Variants in PTBP3 observed in about 807,000 individuals in gnomAD.
PTBP3 encodes polypyrimidine tract-binding protein 3.
A neutral mutation model predicts 58.7 loss-of-function variants in PTBP3; 20 were observed. The observed-to-expected ratio is 0.34, with a 90% CI of 0.24 to 0.50. The LOEUF is 0.50. PTBP3 is among the 20% of genes least tolerant of loss of function. The probability of loss-of-function intolerance (pLI) is 0.98; values close to 1 mark genes in which losing one functional copy is unlikely to be tolerated. For synonymous variants in PTBP3, 185 were observed against 219.8 expected, an observed-to-expected ratio of 0.84 and a Z score of 1.40; for missense variants, 509 against 637.2, an observed-to-expected ratio of 0.80 and a Z score of 2.17.
intron 3 of PTBP3, 22 bp downstream of exon 3, chr9:112,275,822 T>A (rs760433714): frequency 2.5e-6 from 4 of 1,576,076 alleles, no homozygotes; most frequent in Non-Finnish European, 3.5e-6. Flanking sequence ...TCACTCTTTG[T>A]CAATCTTTAA....
At chr9:112,321,822 T>C (rs1829962199) in intron 1 of PTBP3, among the ~76,000 whole-genome samples, 1 of 151,974 alleles carries the variant, frequency 6.6e-6, no homozygotes, top group Non-Finnish European at 1.5e-5. Flanking sequence ...TCCCTAGGCT[T>C]TACCCTCCAG....
In PTBP3 at chr9:112,222,611, C is replaced by A. The variant is rs1438564885; in HGVS notation, c.*1240G>T. 1.0e-6 allele frequency: 1 copy of A among 985,644 alleles called. No homozygotes were observed. The highest frequency in any genetic ancestry group is 1.2e-6 in the Non-Finnish European group (1 of 829,904). 61.1% of individuals were successfully genotyped at this position (985,644 alleles called of 1,614,324 possible). ...TTCACCCTTCCCCACACCGTCTCTGCACCAAGCACCAAAAATTTGATAAAA... is the reference window on the plus strand; with the variant it reads ...TTCACCCTTCCCCACACCGTCTCTGAACCAAGCACCAAAAATTTGATAAAA... On this transcript the variant is annotated 3_prime_UTR_variant, in exon 14 of 14. Transcript: ENST00000374257.
At chr9:112,316,613 C>T (rs1338970753) in intron 1 of PTBP3, among the ~76,000 whole-genome samples, 1 of 152,204 alleles carries the variant, frequency 6.6e-6, no homozygotes, top group Non-Finnish European at 1.5e-5. Flanking sequence ...AATTTTAATA[C>T]TAACAAATAA....
chr9:112,370,579 GTGT>G, the PTBP3 span, among the ~76,000 whole-genome samples: 1 of 152,028 alleles, frequency 6.6e-6, no homozygotes, highest in African/African-American at 2.4e-5. Flanking sequence ...TCCTCCAATT[GTGT>G]TGTTCTTTTT....
the PTBP3 span, among the ~76,000 whole-genome samples, chr9:112,378,409 C>A: frequency 6.6e-6 from 1 of 152,194 alleles, no homozygotes; most frequent in Admixed American, 6.5e-5. Context: ...CTTCGTTGAG[C>A]TCTCTTTCCG....
intron 4 of PTBP3, 145 bp downstream of exon 4, chr9:112,267,904 G>A: frequency 3.0e-6 from 2 of 664,034 alleles, no homozygotes; most frequent in Non-Finnish European, 4.4e-6. Context: ...TTAAGAATTG[G>A]GGGGAAGAAT....
At chr9:112,310,454 A>G (rs1287963281) in intron 1 of PTBP3, among the ~76,000 whole-genome samples, 1 of 152,248 alleles carries the variant, frequency 6.6e-6, no homozygotes, top group Non-Finnish European at 1.5e-5. Context: ...ATACAGGTAT[A>G]GCCCATACAT....
At chr9:112,277,941 CATAAT>C (rs769706124) in intron 2 of PTBP3, among the ~76,000 whole-genome samples, 3,366 of 70,946 alleles carry the variant, frequency 0.047, 57 homozygotes, top group Middle Eastern at 0.1. Context: ...CATAACATAA[CATAAT>C]ATAACATAAC....
chr9:112,296,592 ACT>A (rs933407599), intron 2 of PTBP3, among the ~76,000 whole-genome samples: 2 of 151,654 alleles, frequency 1.3e-5, no homozygotes, highest in African/African-American at 4.8e-5. Flanking sequence ...CTTCTCTGAA[ACT>A]CTCCATGTCC....
At chr9:112,342,346 T>C in the PTBP3 span, among the ~76,000 whole-genome samples, 2 of 152,196 alleles carry the variant, frequency 1.3e-5, no homozygotes, top group African/African-American at 4.8e-5. Context: ...GTGTATCCCA[T>C]TGGTTCTGTC....
chr9:112,297,165 T>A (rs927124135), intron 2 of PTBP3, among the ~76,000 whole-genome samples: 1 of 152,182 alleles, frequency 6.6e-6, no homozygotes. Context: ...ACGTATCGTC[T>A]TATACTTTAA....
chr9:112,304,376 T>G (rs1251045587), intron 1 of PTBP3, among the ~76,000 whole-genome samples: 2 of 152,240 alleles, frequency 1.3e-5, no homozygotes, highest in Non-Finnish European at 2.9e-5. Context: ...AATCACCTTA[T>G]TTAAGCATCT....
the PTBP3 span, among the ~76,000 whole-genome samples, chr9:112,340,220 G>T: frequency 6.6e-6 from 1 of 152,140 alleles, no homozygotes; most frequent in Admixed American, 6.6e-5. Context: ...ATGTGAAACA[G>T]CTTGTGCCTT....
At chr9:112,226,572 G>C (rs1834998626) in intron 12 of PTBP3, among the ~76,000 whole-genome samples, 1 of 152,026 alleles carries the variant, frequency 6.6e-6, no homozygotes, top group African/African-American at 2.4e-5. Context: ...GTAGACTAAG[G>C]ACTTCAACAA....
At chr9:112,276,088 C>A in intron 2 of PTBP3, 75 bp from the exon 3 acceptor site, 2 of 1,358,140 alleles carry the variant, frequency 1.5e-6, no homozygotes, top group Non-Finnish European at 2.1e-6. Context: ...CATATTGTCA[C>A]ATTTAATCCT....
intron 10 of PTBP3, among the ~76,000 whole-genome samples, chr9:112,229,439 C>T (rs1230360745): frequency 6.6e-6 from 1 of 152,036 alleles, no homozygotes; most frequent in Non-Finnish European, 1.5e-5. Flanking sequence ...GTGGCGCACA[C>T]CTGTAGTCCC....
At chr9:112,304,261 T>C (rs1160379004) in intron 1 of PTBP3, among the ~76,000 whole-genome samples, 2 of 152,190 alleles carry the variant, frequency 1.3e-5, no homozygotes, top group Admixed American at 6.5e-5. Context: ...ATGGTTAACC[T>C]TTCAGAAAAA....
At chr9:112,297,032 CACTGCTCACTCTCTTTCCAGT>C (rs887782508) in intron 2 of PTBP3, among the ~76,000 whole-genome samples, 4 of 152,152 alleles carry the variant, frequency 2.6e-5, no homozygotes, top group African/African-American at 9.7e-5. Context: ...AAATCCTCTT[CACTGCTCACTCTCTTTCCAGT>C]ACTGCACTCC....
chr9:112,247,938 A>G (rs1835952790), intron 7 of PTBP3, among the ~76,000 whole-genome samples: 1 of 152,172 alleles, frequency 6.6e-6, no homozygotes, highest in Non-Finnish European at 1.5e-5. Context: ...TATATTATAT[A>G]TGTATATACA....
Sources: allele counts gnomAD v4.1 joint callset (sites outside exome capture counted in the v4.1 genomes callset), GRCh38; gene constraint gnomAD v4.1.1; transcripts MANE v1.5; gene names NCBI Gene and HGNC (gene_info 2026-07-23, HGNC 2026-07-21).